CSRNP3: variants seen among roughly 807,000 people sequenced by gnomAD.
CSRNP3 encodes the protein cysteine and serine rich nuclear protein 3.
CSRNP3 carries 12 observed loss-of-function variants against 48.0 expected under a neutral mutation model. That is an observed-to-expected ratio of 0.25 (90% CI 0.16 to 0.41). CSRNP3 has a LOEUF of 0.41. Among genes scored for constraint, CSRNP3 ranks in the 10% least tolerant of loss-of-function variants. The pLI is 1.00. For missense variants in CSRNP3, 580 were observed against 724.4 expected (o/e 0.80, Z 2.29); for synonymous variants, 263 against 269.7 (o/e 0.98, Z 0.24).
intron 3 of CSRNP3, among the ~76,000 whole-genome samples, chr2:165,522,408 T>C (rs1684675055): frequency 6.6e-6 from 1 of 152,164 alleles, no homozygotes; most frequent in Non-Finnish European, 1.5e-5. Context: ...ATGTTTTTAT[T>C]TTCCTTTTAT....
chr2:165,576,204 T>TAC (rs998214936), intron 3 of CSRNP3, among the ~76,000 whole-genome samples: 69 of 151,084 alleles, frequency 4.6e-4, no homozygotes, highest in Non-Finnish European at 8.6e-4. Flanking sequence ...ATTATGTATA[T>TAC]ACACACACAC....
intron 4 of CSRNP3, among the ~76,000 whole-genome samples, chr2:165,638,242 G>A (rs997954440): frequency 5.3e-5 from 8 of 152,102 alleles, no homozygotes; most frequent in Non-Finnish European, 7.4e-5. Flanking sequence ...CAGGTGGATC[G>A]CTGGAGATCA....
At position 165,683,149 on chromosome 2, in the gene CSRNP3, G is replaced by A. The variant is rs1396658376; in HGVS notation, c.*3396G>A. On this transcript the variant is annotated 3_prime_UTR_variant, in exon 7 of 7. Coordinates refer to ENST00000651982, the MANE Select transcript of CSRNP3 (RefSeq NM_001172173.2). ...CTTAAGTTTTTCCTCCTTATCTCTTGATCATTAATTATTAAGACATGGGTA... is the reference window on the plus strand; with the variant it reads ...CTTAAGTTTTTCCTCCTTATCTCTTAATCATTAATTATTAAGACATGGGTA... The A allele has an allele frequency of 6.6e-6, 1 of 152,016 alleles. No individual in the cohort carries two copies. The highest frequency in any genetic ancestry group is 1.5e-5 in the Non-Finnish European group (1 of 67,986). The allele number at this position is 152,016 out of a possible 1,614,324, so 9.4% of individuals were successfully genotyped here.
intron 4 of CSRNP3, among the ~76,000 whole-genome samples, chr2:165,618,391 A>G (rs1164826596): frequency 6.6e-6 from 1 of 152,220 alleles, no homozygotes; most frequent in Non-Finnish European, 1.5e-5. Context: ...TGTTAGCTAC[A>G]AACAGTTTTG....
chr2:165,653,432 A>G (rs1686948059), intron 4 of CSRNP3, among the ~76,000 whole-genome samples: 1 of 152,204 alleles, frequency 6.6e-6, no homozygotes, highest in Non-Finnish European at 1.5e-5. Flanking sequence ...CAGCTCTGCC[A>G]GGGGCCCAGC....
chr2:165,637,324 A>T (rs112693081), intron 4 of CSRNP3, among the ~76,000 whole-genome samples: 32 of 152,344 alleles, frequency 2.1e-4, no homozygotes, highest in African/African-American at 7.5e-4. Flanking sequence ...CTGGGTCTTT[A>T]TATAGAGATT....
chr2:165,482,070 G>A (rs1250721283), intron 1 of CSRNP3, among the ~76,000 whole-genome samples: 1 of 151,718 alleles, frequency 6.6e-6, no homozygotes, highest in Non-Finnish European at 1.5e-5. Flanking sequence ...TGTACTCCCT[G>A]AACCTAAAAT....
chr2:165,658,041 C>G (rs1687035554), intron 5 of CSRNP3, 21 bp downstream of exon 5: 1 of 1,600,342 alleles, frequency 6.2e-7, no homozygotes, highest in Non-Finnish European at 8.5e-7. Context: ...AACTCATTTT[C>G]TGCAAAGTCT....
At chr2:165,496,065 C>T (rs1010587783) in intron 2 of CSRNP3, among the ~76,000 whole-genome samples, 1 of 151,972 alleles carries the variant, frequency 6.6e-6, no homozygotes, top group Non-Finnish European at 1.5e-5. Context: ...TAATCCTCCT[C>T]CCTCTCCCCC....
intron 2 of CSRNP3, among the ~76,000 whole-genome samples, chr2:165,506,445 T>A (rs903527480): frequency 4.6e-5 from 7 of 151,980 alleles, no homozygotes; most frequent in Non-Finnish European, 8.8e-5. Context: ...AGATGATATA[T>A]CTAGTGGCTG....
intron 1 of CSRNP3, among the ~76,000 whole-genome samples, chr2:165,481,070 C>T (rs1167760344): frequency 1.6e-4 from 24 of 151,874 alleles, no homozygotes; most frequent in Admixed American, 1.6e-3. Flanking sequence ...ATAAACCAAA[C>T]ATGTCCCTTT....
chr2:165,649,509 T>C (rs941960166), intron 4 of CSRNP3, among the ~76,000 whole-genome samples: 33 of 152,232 alleles, frequency 2.2e-4, no homozygotes, highest in Admixed American at 2.2e-3. Flanking sequence ...TTTTATATGG[T>C]CTAGTCTACT....
At chr2:165,493,303 C>T (rs545186290) in intron 1 of CSRNP3, among the ~76,000 whole-genome samples, 3 of 152,100 alleles carry the variant, frequency 2.0e-5, no homozygotes, top group African/African-American at 7.2e-5. Flanking sequence ...TAAGATGTCA[C>T]CTCTCCTTGG....
At chr2:165,642,995 A>T (rs1686750021) in intron 4 of CSRNP3, among the ~76,000 whole-genome samples, 1 of 152,238 alleles carries the variant, frequency 6.6e-6, no homozygotes. Context: ...AGAGAGATAG[A>T]GAGAAGATTA....
rs1573966482 is a variant in CSRNP3 at position 165,680,014 on chromosome 2, A to G, written c.*261A>G. The G allele has an allele frequency of 2.2e-6, 1 of 449,050 alleles. No homozygotes were observed. Among genetic ancestry groups the G allele is most frequent in the East Asian group, 4.1e-5 (1 of 24,662 alleles). 27.8% of individuals were successfully genotyped at this position (449,050 alleles called of 1,614,324 possible). A position where few individuals can be genotyped will look rare whatever the true frequency, so the allele number is the denominator to read the frequency against. ...TAAAATGCATATCTCACAGTTGCCT[A>G]CCTGTCAAACTGTGTGAAACCTGCC... is the stretch of plus-strand genomic sequence containing the variant. On this transcript the variant is annotated 3_prime_UTR_variant, in exon 7 of 7. Transcript: ENST00000651982.
intron 1 of CSRNP3, among the ~76,000 whole-genome samples, chr2:165,484,613 T>C (rs145508292): frequency 6.6e-6 from 1 of 152,364 alleles, no homozygotes; most frequent in Non-Finnish European, 1.5e-5. Context: ...AAATATTGTT[T>C]ATGATCACTT....
At chr2:165,535,463 C>A (rs1486311095) in intron 3 of CSRNP3, among the ~76,000 whole-genome samples, 1 of 151,782 alleles carries the variant, frequency 6.6e-6, no homozygotes, top group African/African-American at 2.4e-5. Context: ...TACAAATAAG[C>A]TTGGCAAAAT....
rs901666825 is a variant in CSRNP3 at position 165,490,337 on chromosome 2, T to A, written c.-282-4422T>A. Among the ~76,000 whole-genome samples the A allele has an allele frequency of 6.8e-5, 10 of 147,552 alleles. No individual in the cohort carries two copies. The East Asian group carries it at 1.6e-3, about 24-fold the overall frequency. ...TGGAAGAAAATTCCATGCTCATGGG[T>A]AGGAAGAATCAATATCTTGAAAATG... is the stretch of plus-strand genomic sequence containing the variant. On this transcript the variant is annotated intron_variant, in intron 1 of 6. Coordinates refer to ENST00000651982, the MANE Select transcript of CSRNP3 (RefSeq NM_001172173.2).
At chr2:165,653,154 G>A (rs1250313570) in intron 4 of CSRNP3, among the ~76,000 whole-genome samples, 1 of 152,126 alleles carries the variant, frequency 6.6e-6, no homozygotes, top group African/African-American at 2.4e-5. Context: ...GCCCATAAAG[G>A]CTCATGTTAG....
Sources: gnomAD v4.1 joint callset for allele counts (sites outside exome capture counted in the v4.1 genomes callset) on GRCh38, gnomAD v4.1.1 for gene constraint, MANE v1.5 for transcripts, NCBI Gene and HGNC (gene_info 2026-07-23, HGNC 2026-07-21) for gene names.